DEPTOR: variants seen among roughly 807,000 people sequenced by gnomAD.
The protein encoded by DEPTOR is DEP domain containing MTOR interacting protein.
In DEPTOR, 41 loss-of-function variants were observed where a neutral mutation model predicts 41.6. The ratio of observed to expected loss-of-function variants is 0.98; its 90% confidence interval spans 0.77 to 1.28. DEPTOR has a LOEUF of 1.28. Ranked by LOEUF, DEPTOR falls within the 50% of genes most tolerant of loss-of-function variation. The pLI is 0.00. For synonymous variants in DEPTOR, 195 were observed against 192.3 expected (o/e 1.01, Z -0.12); for missense variants, 514 against 527.9 (o/e 0.97, Z 0.26).
intron 4 of DEPTOR, among the ~76,000 whole-genome samples, chr8:119,979,717 G>T (rs1021919805): frequency 2.0e-5 from 3 of 152,032 alleles, no homozygotes; most frequent in Non-Finnish European, 4.4e-5. Flanking sequence ...CACTCCCCAA[G>T]CTGTCCCAGG....
intron 4 of DEPTOR, among the ~76,000 whole-genome samples, chr8:119,974,849 A>AT (rs1453986393): frequency 6.9e-6 from 1 of 144,276 alleles, no homozygotes; most frequent in Non-Finnish European, 1.5e-5. Context: ...AGAAAAAAAG[A>AT]TGTAACCCAG....
intron 1 of DEPTOR, among the ~76,000 whole-genome samples, chr8:119,882,883 G>C (rs1827316519): frequency 1.3e-5 from 2 of 152,122 alleles, no homozygotes; most frequent in South Asian, 2.1e-4. Context: ...ACCAAGGAGA[G>C]GTGGGTACCA....
chr8:119,956,357 T>C (rs1828416572), intron 3 of DEPTOR, among the ~76,000 whole-genome samples: 1 of 152,176 alleles, frequency 6.6e-6, no homozygotes, highest in Non-Finnish European at 1.5e-5. Flanking sequence ...TGGAGCATGT[T>C]GTAAATGGCA....
At chr8:119,919,410 G>C (rs944634727) in intron 1 of DEPTOR, among the ~76,000 whole-genome samples, 12 of 152,032 alleles carry the variant, frequency 7.9e-5, no homozygotes, top group Non-Finnish European at 1.3e-4. Flanking sequence ...CATCTGAACC[G>C]AGAAAAGAGA....
chr8:119,933,499 CA>C (rs1475147247), intron 3 of DEPTOR, among the ~76,000 whole-genome samples: 4 of 148,072 alleles, frequency 2.7e-5, no homozygotes, highest in African/African-American at 7.6e-5. Context: ...CACACACACA[CA>C]ATGTTTATTA....
chr8:119,960,863 A>T (rs901589239), intron 3 of DEPTOR, among the ~76,000 whole-genome samples: 4 of 152,074 alleles, frequency 2.6e-5, no homozygotes, highest in African/African-American at 9.7e-5. Flanking sequence ...ACGTGCCTGT[A>T]ATCCCAGCTA....
At chr8:119,942,711 A>C (rs549723371) in intron 3 of DEPTOR, among the ~76,000 whole-genome samples, 28 of 152,130 alleles carry the variant, frequency 1.8e-4, no homozygotes, top group Non-Finnish European at 2.9e-5. Context: ...AAATCATTTA[A>C]GTTTTCTGGA....
At chr8:119,938,944 G>GCTCTCTCTCTCTCTCT (rs139892847) in intron 3 of DEPTOR, among the ~76,000 whole-genome samples, 14 of 125,942 alleles carry the variant, frequency 1.1e-4, no homozygotes, top group African/African-American at 4.1e-4. Context: ...GTTCCTTCTT[G>GCTCTCTCTCTCTCTCT]CTCTCTCTCT....
intron 8 of DEPTOR, among the ~76,000 whole-genome samples, chr8:120,024,967 C>T (rs1349003958): frequency 1.3e-5 from 2 of 152,108 alleles, no homozygotes; most frequent in African/African-American, 2.4e-5. Context: ...AAAAAATGTA[C>T]AAACATCCTT....
intron 8 of DEPTOR, among the ~76,000 whole-genome samples, chr8:120,022,715 T>TTC (rs1812739620): frequency 6.6e-6 from 1 of 151,748 alleles, no homozygotes; most frequent in African/African-American, 2.4e-5. Flanking sequence ...AATTTTTTTT[T>TTC]CTAGAGATGG....
intron 3 of DEPTOR, among the ~76,000 whole-genome samples, chr8:119,930,385 AGCCACCACACCTG>A (rs1408532541): frequency 6.6e-6 from 1 of 151,952 alleles, no homozygotes; most frequent in Admixed American, 6.6e-5. Flanking sequence ...TACAGGCATG[AGCCACCACACCTG>A]GCTAATTTAT....
chr8:119,884,676 C>T (rs1362053399), intron 1 of DEPTOR, among the ~76,000 whole-genome samples: 2 of 150,268 alleles, frequency 1.3e-5, no homozygotes, highest in Non-Finnish European at 3.0e-5. Flanking sequence ...AGGTTTGTGT[C>T]CTATTTCCAA....
At position 120,009,040 on chromosome 8, in the gene DEPTOR, C is replaced by T. The variant is rs200067665; in HGVS notation, c.1008C>T (p.Asp336=). 175 of 1,613,882 alleles carry T rather than the reference C, an allele frequency of 1.1e-4. No homozygotes were observed. The highest frequency in any genetic ancestry group is 5.5e-4 in the Admixed American group (33 of 59,966). Residue 336 remains aspartate, a synonymous_variant, in exon 8 of 9, where the codon GAC becomes GAT. Coordinates refer to ENST00000286234, the MANE Select transcript of DEPTOR (RefSeq NM_022783.4). ...YARKTFTIVG[D]AVGWGFVVRG... ...GTTTTCCTCTCTAGATTGTTGGTGACGCGGTTGGCTGGGGTTTTGTGGTGC... is the reference window on the plus strand; with the variant it reads ...GTTTTCCTCTCTAGATTGTTGGTGATGCGGTTGGCTGGGGTTTTGTGGTGC...
intron 1 of DEPTOR, among the ~76,000 whole-genome samples, chr8:119,879,348 A>G (rs991788680): frequency 3.9e-5 from 6 of 152,230 alleles, no homozygotes; most frequent in African/African-American, 1.4e-4. Flanking sequence ...GTATATACCC[A>G]GGAGAAATGA....
At chr8:120,026,984 C>G (rs1376220697) in intron 8 of DEPTOR, among the ~76,000 whole-genome samples, 1 of 151,930 alleles carries the variant, frequency 6.6e-6, no homozygotes, top group Non-Finnish European at 1.5e-5. Flanking sequence ...TTTGGGAGAC[C>G]GAGGTGGGTG....
At chr8:120,047,075 G>A (rs1813163446) in intron 8 of DEPTOR, among the ~76,000 whole-genome samples, 1 of 152,154 alleles carries the variant, frequency 6.6e-6, no homozygotes, top group Non-Finnish European at 1.5e-5. Flanking sequence ...CCAGGCTAGA[G>A]TGCAGTGGCA....
In DEPTOR at chr8:120,001,970, C is replaced by A. The variant is rs569170786; in HGVS notation, c.790+260C>A. Among the ~76,000 whole-genome samples the A allele has an allele frequency of 4.6e-5, 7 of 152,160 alleles. No individual in the cohort carries two copies. In the East Asian group the frequency reaches 1.4e-3, roughly 29 times the overall value. ...TCTCACTCAAACCTCATTTACTTTT[C>A]ATTTACAAGCCATTCTTGCCTGGCA... On this transcript the variant is annotated intron_variant, in intron 5 of 8. Coordinates refer to ENST00000286234, the MANE Select transcript of DEPTOR (RefSeq NM_022783.4).
chr8:119,928,935 A>G (rs887268946), intron 2 of DEPTOR, among the ~76,000 whole-genome samples: 1 of 152,122 alleles, frequency 6.6e-6, no homozygotes, highest in African/African-American at 2.4e-5. Flanking sequence ...CTGTCTGTAT[A>G]TACATCTTTA....
chr8:120,037,148 A>T (rs1192594992), intron 8 of DEPTOR, among the ~76,000 whole-genome samples: 2 of 152,188 alleles, frequency 1.3e-5, no homozygotes, highest in African/African-American at 2.4e-5. Context: ...ATTTTGGGGA[A>T]CAGGGATTGT....
Sources: gnomAD v4.1 joint callset for allele counts (sites outside exome capture counted in the v4.1 genomes callset) on GRCh38, gnomAD v4.1.1 for gene constraint, MANE v1.5 for transcripts, NCBI Gene and HGNC (gene_info 2026-07-23, HGNC 2026-07-21) for gene names.